Variants in DNAH9 observed in about 807,000 individuals in gnomAD.
DNAH9 encodes the protein dynein axonemal heavy chain 9.
DNAH9 carries 345 observed loss-of-function variants against 471.6 expected under a neutral mutation model. The observed-to-expected ratio is 0.73, with a 90% CI of 0.67 to 0.80. The LOEUF (loss-of-function observed/expected upper bound fraction) is 0.80. DNAH9 is among the 30% of genes least tolerant of loss of function. DNAH9 has a pLI of 0.00. For missense variants in DNAH9, 5,407 were observed against 5,609.2 expected (o/e 0.96, Z 1.15); for synonymous variants, 2,093 against 2,123.6 (o/e 0.99, Z 0.40).
chr17:11,834,525 T>C lies in DNAH9; in HGVS notation c.9247-113T>C, dbSNP rs1040502516. ...CTTTGTATCAGGAGCTGTCATCTAT[T>C]CTGCTCCACAGAGTTGGGTCCTCAG... On this transcript the variant is annotated intron_variant, in intron 48 of 68. Transcript: ENST00000262442. The C allele has an allele frequency of 7.9e-6, 10 of 1,259,962 alleles. No individual in the cohort carries two copies. In the African/African-American group the frequency reaches 1.5e-4, roughly 19 times the overall value. The allele number at this position is 1,259,962 out of a possible 1,614,324, so 78.0% of individuals were successfully genotyped here. A position where few individuals can be genotyped will look rare whatever the true frequency, so the allele number is the denominator to read the frequency against.
intron 1 of DNAH9, among the ~76,000 whole-genome samples, chr17:11,601,393 G>T (rs530027953): frequency 1.3e-5 from 2 of 151,996 alleles, no homozygotes; most frequent in African/African-American, 2.4e-5. Context: ...AGGAAGAGAG[G>T]ACATTCTTTA....
chr17:11,771,330 T>C (rs998080659), intron 38 of DNAH9, among the ~76,000 whole-genome samples: 4 of 152,196 alleles, frequency 2.6e-5, no homozygotes, highest in Non-Finnish European at 5.9e-5. Flanking sequence ...GGTTTCACCA[T>C]GTTGGCCAGG....
rs763222987 is a variant in DNAH9 at position 11,762,758 on chromosome 17, G to GTTTTTGTTT, written c.6996-677_6996-676insGTTTTTTTT. Among the ~76,000 whole-genome samples, 12 of 94,778 alleles carry GTTTTTGTTT rather than the reference G, an allele frequency of 1.3e-4. 1 individual carries two copies. Among genetic ancestry groups the GTTTTTGTTT allele is most frequent in the East Asian group, 3.0e-4 (1 of 3,356 alleles). The allele number at this position is 94,778 out of a possible 152,430, so 62.2% of individuals were successfully genotyped here. The stretch of plus-strand genomic sequence containing the variant: ...GCACCAAAATTGCCTCTTTAGGTGC[G>GTTTTTGTTT]TTTTTTTTTTTGTTTTTTTTTTTTT... On this transcript the variant is annotated intron_variant, in intron 35 of 68. Transcript: ENST00000262442.
rs73290814 is a variant in DNAH9, at chr17:11,632,346, A to G, written c.1519-241A>G. On this transcript the variant is annotated intron_variant, in intron 7 of 68. Coordinates refer to ENST00000262442, the MANE Select transcript of DNAH9 (RefSeq NM_001372.4). ...AACGGAGGAGCATGGAAAGGGTGGAAGAACACCAAACTCACATCTAATTCA... is the reference window on the plus strand; with the variant it reads ...AACGGAGGAGCATGGAAAGGGTGGAGGAACACCAAACTCACATCTAATTCA... Among the ~76,000 whole-genome samples the G allele has an allele frequency of 0.021, 3,148 of 152,316 alleles. 118 individuals are homozygous for G. The highest frequency in any genetic ancestry group is 0.072 in the African/African-American group (3,010 of 41,560).
chr17:11,930,765 C>CAAAAAAAAAAAAA (rs11371438), intron 63 of DNAH9, among the ~76,000 whole-genome samples: 4 of 125,212 alleles, frequency 3.2e-5, no homozygotes, highest in East Asian at 2.4e-4. Flanking sequence ...ACTCCATCTC[C>CAAAAAAAAAAAAA]AAAAAAAAAA....
intron 67 of DNAH9, among the ~76,000 whole-genome samples, chr17:11,946,663 C>CA (rs754149437): frequency 0.057 from 3,868 of 67,388 alleles, 224 homozygotes; most frequent in African/African-American, 0.19. Flanking sequence ...GACTCCATCT[C>CA]AAAAAAAAAA....
At chr17:11,717,101 C>T (rs1249716099) in intron 26 of DNAH9, among the ~76,000 whole-genome samples, 1 of 152,228 alleles carries the variant, frequency 6.6e-6, no homozygotes, top group Non-Finnish European at 1.5e-5. Flanking sequence ...CGAGACCCAA[C>T]TTTTCACCCT....
chr17:11,776,353 CAAA>C (rs78587925), intron 38 of DNAH9, among the ~76,000 whole-genome samples: 125 of 112,652 alleles, frequency 1.1e-3, no homozygotes, highest in African/African-American at 1.7e-3. Context: ...CATCTGCATT[CAAA>C]AAAAAAAAAA....
intron 49 of DNAH9, among the ~76,000 whole-genome samples, chr17:11,835,555 T>C (rs367563198): frequency 6.6e-6 from 1 of 152,168 alleles, no homozygotes; most frequent in South Asian, 2.1e-4. Flanking sequence ...ATTAACTTTT[T>C]TTCCCACTTG....
intron 4 of DNAH9, chr17:11,612,180 G>A: frequency 4.5e-6 from 2 of 445,772 alleles, no homozygotes; most frequent in Non-Finnish European, 8.1e-6. Context: ...CAGTTCTGGG[G>A]TGGCCATTAT....
At chr17:11,833,127 T>C (rs35773278) in intron 48 of DNAH9, among the ~76,000 whole-genome samples, 49,692 of 152,102 alleles carry the variant, frequency 0.33, 8,309 homozygotes, top group East Asian at 0.44. Context: ...AGATAGAAAA[T>C]CATCCTTCTC....
intron 57 of DNAH9, among the ~76,000 whole-genome samples, chr17:11,887,939 A>G (rs536484210): frequency 6.6e-6 from 1 of 151,694 alleles, no homozygotes; most frequent in African/African-American, 2.4e-5. Context: ...TTTAACTCAG[A>G]GTCTCTGCAG....
At chr17:11,964,737 C>A (rs565440872) in intron 68 of DNAH9, among the ~76,000 whole-genome samples, 9 of 152,108 alleles carry the variant, frequency 5.9e-5, no homozygotes, top group Non-Finnish European at 1.2e-4. Context: ...TCAACCCAAC[C>A]CCTAGCTTGG....
chr17:11,747,457 C>A, intron 31 of DNAH9, 99 bp from the exon 32 acceptor site: 1 of 878,688 alleles, frequency 1.1e-6, no homozygotes, highest in Non-Finnish European at 1.9e-6. Flanking sequence ...CTGTTGACTT[C>A]AGGTCTCACT....
At chr17:11,959,027 C>T (rs766530428) in intron 67 of DNAH9, among the ~76,000 whole-genome samples, 1 of 152,090 alleles carries the variant, frequency 6.6e-6, no homozygotes. Flanking sequence ...ATTTAAAAAT[C>T]ATATGATCAT....
chr17:11,810,874 A>G (rs140205369), intron 45 of DNAH9, among the ~76,000 whole-genome samples: 2 of 152,358 alleles, frequency 1.3e-5, no homozygotes, highest in East Asian at 1.9e-4. Context: ...GAAGTTCCAC[A>G]TAGTTTTCCT....
intron 50 of DNAH9, among the ~76,000 whole-genome samples, chr17:11,856,028 GC>G (rs1017345834): frequency 6.6e-6 from 1 of 152,130 alleles, no homozygotes; most frequent in Non-Finnish European, 1.5e-5. Context: ...AGCAGGAGCT[GC>G]CCCCCTGCTG....
At chr17:11,922,911 T>C (rs1375911012) in intron 61 of DNAH9, among the ~76,000 whole-genome samples, 1 of 152,134 alleles carries the variant, frequency 6.6e-6, no homozygotes, top group Non-Finnish European at 1.5e-5. Flanking sequence ...CACCCTTCTC[T>C]CATCAGCACT....
At position 11,757,506 on chromosome 17, in the gene DNAH9, T is replaced by C. The variant is rs373746788; in HGVS notation, c.6848-39T>C. The C allele has an allele frequency of 9.0e-6, 14 of 1,557,512 alleles. No individual in the cohort carries two copies. The Admixed American group carries it at 2.1e-4, about 23-fold the overall frequency. On this transcript the variant is annotated intron_variant, in intron 34 of 68. Coordinates refer to ENST00000262442, the MANE Select transcript of DNAH9 (RefSeq NM_001372.4). ...CTGGGGTGAAAAATATAATGATGTA[T>C]ATGGAATATTCACTAAACTGTATTC... is the stretch of plus-strand genomic sequence containing the variant.
Sources: gnomAD v4.1 joint callset for allele counts (sites outside exome capture counted in the v4.1 genomes callset) on GRCh38, gnomAD v4.1.1 for gene constraint, MANE v1.5 for transcripts, NCBI Gene and HGNC (gene_info 2026-07-23, HGNC 2026-07-21) for gene names.